SLC20A2: variants seen among roughly 807,000 people sequenced by gnomAD.
SLC20A2 encodes sodium-dependent phosphate transporter 2.
A neutral mutation model predicts 61.0 loss-of-function variants in SLC20A2; 30 were observed. The observed-to-expected ratio is 0.49, with a 90% CI of 0.37 to 0.67. The LOEUF is 0.67. Ranked by LOEUF, SLC20A2 falls within the 30% of genes least tolerant of loss-of-function variation. The pLI, the probability that SLC20A2 is intolerant of heterozygous loss-of-function variation, is 0.00. For missense variants in SLC20A2, 626 were observed against 866.4 expected, an observed-to-expected ratio of 0.72 and a Z score of 3.48; for synonymous variants, 351 against 353.3, an observed-to-expected ratio of 0.99 and a Z score of 0.07.
intron 1 of SLC20A2, among the ~76,000 whole-genome samples, chr8:42,479,368 G>C (rs1401309407): frequency 2.6e-5 from 4 of 151,986 alleles, no homozygotes; most frequent in Non-Finnish European, 5.9e-5. Flanking sequence ...ACAATCACAG[G>C]GTCACTCTGA....
At chr8:42,488,018 T>G (rs1288559307) in intron 1 of SLC20A2, among the ~76,000 whole-genome samples, 1 of 152,196 alleles carries the variant, frequency 6.6e-6, no homozygotes, top group Non-Finnish European at 1.5e-5. Flanking sequence ...TGTGACTGGC[T>G]TATTTCACTT....
Position 42,482,779 on chromosome 8 carries a change from A to C in SLC20A2, c.-264-10125T>G, listed in dbSNP as rs972685274. ...GATGGCTTATGCCTGTAATCCCAGC[A>C]CTTTGGGAGCCCAAGGCAGGTGGAT... On this transcript the variant is annotated intron_variant, in intron 1 of 10. Coordinates refer to ENST00000520262, the MANE Select transcript of SLC20A2 (RefSeq NM_001257180.2). Among the ~76,000 whole-genome samples, 7 of 152,160 alleles carry C rather than the reference A, an allele frequency of 4.6e-5. 1 individual carries two copies. Among genetic ancestry groups the C allele is most frequent in the African/African-American group, 1.7e-4 (7 of 41,420 alleles).
chr8:42,435,201 T>C (rs993652172), intron 8 of SLC20A2, among the ~76,000 whole-genome samples: 2 of 152,182 alleles, frequency 1.3e-5, no homozygotes, highest in African/African-American at 4.8e-5. Flanking sequence ...CATATGATGC[T>C]GAGCAGAACA....
intron 1 of SLC20A2, among the ~76,000 whole-genome samples, chr8:42,525,581 CAAAAAAAAAAAA>C (rs34356863): frequency 2.9e-5 from 2 of 68,722 alleles, no homozygotes; most frequent in Non-Finnish European, 5.4e-5. Flanking sequence ...GACTCTGTCT[CAAAAAAAAAAAA>C]AAAAAAAAAA....
chr8:42,438,063 C>CAAAAAAAAAAAAAAAAAAAAAAAA (rs1391262305), intron 7 of SLC20A2, among the ~76,000 whole-genome samples: 1 of 26,810 alleles, frequency 3.7e-5, no homozygotes, highest in African/African-American at 9.5e-5. Flanking sequence ...AAAAAAAAAC[C>CAAAAAAAAAAAAAAAAAAAAAAAA]AAAAAAAAAA....
At chr8:42,444,929 G>A (rs1250433813) in intron 5 of SLC20A2, among the ~76,000 whole-genome samples, 167 bp from the exon 6 acceptor site, 2 of 152,240 alleles carry the variant, frequency 1.3e-5, no homozygotes, top group African/African-American at 4.8e-5. Flanking sequence ...GTAGAAAGCT[G>A]TATGTTCAAG....
chr8:42,489,610 T>C (rs1249290677), intron 1 of SLC20A2, among the ~76,000 whole-genome samples: 3 of 152,230 alleles, frequency 2.0e-5, no homozygotes, highest in Non-Finnish European at 1.5e-5. Context: ...GTTGAACTAT[T>C]AATGATTCTC....
chr8:42,428,969 A>AT (rs1803637831), intron 9 of SLC20A2, 127 bp from the exon 10 acceptor site: 2 of 681,536 alleles, frequency 2.9e-6, no homozygotes, highest in East Asian at 6.5e-5. Context: ...GGCAAGATCA[A>AT]TTTTAACAGA....
chr8:42,468,297 TG>T (rs2131206338), intron 2 of SLC20A2, among the ~76,000 whole-genome samples: 1 of 152,284 alleles, frequency 6.6e-6, no homozygotes, highest in Admixed American at 6.5e-5. Context: ...TCCTGAAAGC[TG>T]CTATATTTTC....
At chr8:42,446,849 T>TA (rs1805252496) in intron 5 of SLC20A2, among the ~76,000 whole-genome samples, 1 of 151,616 alleles carries the variant, frequency 6.6e-6, no homozygotes, top group South Asian at 2.1e-4. Flanking sequence ...GAGAATTTAC[T>TA]AAAAAAAGTA....
At chr8:42,522,972 A>C (rs1811682981) in intron 1 of SLC20A2, among the ~76,000 whole-genome samples, 1 of 147,802 alleles carries the variant, frequency 6.8e-6, no homozygotes, top group East Asian at 2.0e-4. Context: ...CAATTCTCCC[A>C]CTTTGGCCTC....
Position 42,501,050 on chromosome 8 carries a change from T to C in SLC20A2, c.-284A>G, listed in dbSNP as rs1030526590. On this transcript the variant is annotated 5_prime_UTR_variant, in exon 1 of 11. Transcript: ENST00000520262. Reference sequence around the variant, plus strand: ...ACTTACAAGTAGTTTCCAAGAAAACTGAGCCACAATTCTTCAGAAGACTGC... The same window carrying C: ...ACTTACAAGTAGTTTCCAAGAAAACCGAGCCACAATTCTTCAGAAGACTGC... 1.3e-5 allele frequency: 2 copies of C among 152,204 alleles called. No homozygotes were observed. The highest frequency in any genetic ancestry group is 2.4e-5 in the African/African-American group (1 of 41,452). The allele number at this position is 152,204 out of a possible 1,614,324, so 9.4% of individuals were successfully genotyped here.
At chr8:42,513,221 T>A (rs1425114942) in intron 1 of SLC20A2, among the ~76,000 whole-genome samples, 8 of 152,104 alleles carry the variant, frequency 5.3e-5, no homozygotes. Context: ...AGATCAAAAT[T>A]AGAAACATAT....
At chr8:42,484,736 C>T (rs1004472714) in intron 1 of SLC20A2, 7 of 360,540 alleles carry the variant, frequency 1.9e-5, no homozygotes, top group Non-Finnish European at 3.8e-5. Context: ...CCACCATGAT[C>T]CAAGAGAGCC....
intron 1 of SLC20A2, chr8:42,537,994 A>G (rs1045819410): frequency 2.6e-5 from 4 of 152,190 alleles, no homozygotes; most frequent in African/African-American, 9.7e-5. Context: ...TTCCTCTGAA[A>G]AATGAGGAAA....
chr8:42,499,929 C>T (rs1810212196), intron 1 of SLC20A2, among the ~76,000 whole-genome samples: 1 of 152,178 alleles, frequency 6.6e-6, no homozygotes, highest in South Asian at 2.1e-4. Context: ...ACACTCTTTT[C>T]CTACTAAATG....
chr8:42,476,501 C>G (rs924492400), intron 1 of SLC20A2, among the ~76,000 whole-genome samples: 2 of 152,164 alleles, frequency 1.3e-5, no homozygotes, highest in Admixed American at 1.3e-4. Flanking sequence ...GAAATTCACA[C>G]AGGTGAACCA....
At chr8:42,496,132 C>T (rs183025210) in intron 1 of SLC20A2, among the ~76,000 whole-genome samples, 58 of 152,280 alleles carry the variant, frequency 3.8e-4, no homozygotes, top group Admixed American at 1.8e-3. Context: ...CATGGCAGTG[C>T]GTTACTTGTG....
At chr8:42,471,252 G>T (rs1807615390) in intron 2 of SLC20A2, 1 of 455,968 alleles carries the variant, frequency 2.2e-6, no homozygotes, top group Non-Finnish European at 4.4e-6. Flanking sequence ...ACACACGCCT[G>T]CCGGGAAGGT....
Sources: gnomAD v4.1 joint callset for allele counts (sites outside exome capture counted in the v4.1 genomes callset) on GRCh38, gnomAD v4.1.1 for gene constraint, MANE v1.5 for transcripts, NCBI Gene and HGNC (gene_info 2026-07-23, HGNC 2026-07-21) for gene names.